Variants in PDPK1 observed in about 807,000 individuals in gnomAD.
PDPK1 encodes 3-phosphoinositide-dependent protein kinase 1.
In PDPK1, 7 loss-of-function variants were observed where a neutral mutation model predicts 39.8. The observed-to-expected ratio is 0.18, with a 90% confidence interval of 0.10 to 0.33. PDPK1 has a LOEUF of 0.33. Ranked by LOEUF, PDPK1 falls within the 10% of genes least tolerant of loss-of-function variation. The pLI is 1.00. For missense variants in PDPK1, 182 were observed against 384.7 expected, an observed-to-expected ratio of 0.47 and a Z score of 4.41; for synonymous variants, 118 against 159.1, an observed-to-expected ratio of 0.74 and a Z score of 1.95.
rs538163631 is a variant in PDPK1 at position 2,585,255 on chromosome 16, T to G, written c.1126-1421T>G. On this transcript the variant is annotated intron_variant, in intron 10 of 13. Transcript: ENST00000342085. ...GCCGTCTGTGAAGCCAGGCTCCATTTGTTGGCAGCCGCCTGTTAGATGGCC... is the reference window on the plus strand; with the variant it reads ...GCCGTCTGTGAAGCCAGGCTCCATTGGTTGGCAGCCGCCTGTTAGATGGCC... 1.6e-4 allele frequency among the ~76,000 whole-genome samples: 25 copies of G among 152,372 alleles called. No homozygotes were observed. In the East Asian group the frequency reaches 4.1e-3, roughly 25 times the overall value.
chr16:2,592,865 AG>A, intron 11 of PDPK1: 1 of 456,132 alleles, frequency 2.2e-6, no homozygotes, highest in Non-Finnish European at 4.4e-6. Context: ...TGTCTCTCTC[AG>A]GGGATGCTGG....
At chr16:2,586,598 C>T (rs568309356) in intron 10 of PDPK1, 78 bp from the exon 11 acceptor site, 9 of 1,262,464 alleles carry the variant, frequency 7.1e-6, no homozygotes, top group African/African-American at 1.5e-5. Flanking sequence ...CTGACAGCGG[C>T]AGTGCGGGAG....
intron 11 of PDPK1, among the ~76,000 whole-genome samples, chr16:2,595,010 C>G (rs1183732788): frequency 6.6e-6 from 1 of 152,162 alleles, no homozygotes; most frequent in African/African-American, 2.4e-5. Flanking sequence ...GTGGTCCCAG[C>G]TATTCGGGAG....
Position 2,593,037 on chromosome 16 carries a change from G to T in PDPK1, c.1344-2756G>T, listed in dbSNP as rs1275133903. 4 of 456,334 alleles carry T rather than the reference G, an allele frequency of 8.8e-6. No individual in the cohort carries two copies. The highest frequency in any genetic ancestry group is 1.8e-5 in the Non-Finnish European group (4 of 226,904). The allele number at this position is 456,334 out of a possible 1,614,324, so 28.3% of individuals were successfully genotyped here. On this transcript the variant is annotated intron_variant, in intron 11 of 13. Transcript: ENST00000342085. This position sits in a 1 kb window ranked among gnomAD's most constrained non-coding sequence, Gnocchi z 4.2. ...TTGCCTGTGGCCTTTTTTTTTCTCA[G>T]GATGGATTTCTGGAAGCGAGGCTAC...
In PDPK1 at chr16:2,538,213, C is replaced by T. The variant is rs1337062139; in HGVS notation, c.24+77C>T. The stretch of plus-strand genomic sequence containing the variant: ...CGGCGGCCGCCCGGGTCCGGCGAGG[C>T]GGGGCGGCCCGGGGTCCCGAGGGCC... On this transcript the variant is annotated intron_variant, in intron 1 of 13. Transcript: ENST00000342085. The T allele has an allele frequency of 2.1e-5, 16 of 749,274 alleles. 1 individual carries two copies. Among genetic ancestry groups the T allele is most frequent in the Non-Finnish European group, 2.7e-5 (16 of 602,908 alleles). The allele number at this position is 749,274 out of a possible 1,614,324, so 46.4% of individuals were successfully genotyped here.
chr16:2,538,924 G>A, intron 1 of PDPK1: 1 of 437,994 alleles, frequency 2.3e-6, no homozygotes, highest in Non-Finnish European at 3.9e-6. Context: ...CTACAGTCTG[G>A]GGACGACGGT....
At chr16:2,590,006 C>T (rs983676708) in intron 11 of PDPK1, among the ~76,000 whole-genome samples, 1 of 152,226 alleles carries the variant, frequency 6.6e-6, no homozygotes, top group Non-Finnish European at 1.5e-5. Context: ...ACTGCAGGCA[C>T]GAAGAGGGAG....
At position 2,601,758 on chromosome 16, in the gene PDPK1, T is replaced by G. The variant is rs1446904705; in HGVS notation, c.*3991T>G. The G allele has an allele frequency of 4.9e-6, 1 of 205,526 alleles. No individual in the cohort carries two copies. The highest frequency in any genetic ancestry group is 9.8e-6 in the Non-Finnish European group (1 of 101,736). The allele number at this position is 205,526 out of a possible 1,614,324, so 12.7% of individuals were successfully genotyped here. On this transcript the variant is annotated 3_prime_UTR_variant, in exon 14 of 14. Transcript: ENST00000342085. Reference sequence around the variant, plus strand: ...ACAAGAGCCCAGCAGCCAGGCTGGCTTTTTCATTGTAGGGCGTGGTTGTCC... The same window carrying G: ...ACAAGAGCCCAGCAGCCAGGCTGGCGTTTTCATTGTAGGGCGTGGTTGTCC...
At chr16:2,578,089 G>A (rs2066751634) in intron 7 of PDPK1, among the ~76,000 whole-genome samples, 1 of 149,164 alleles carries the variant, frequency 6.7e-6, no homozygotes, top group Admixed American at 6.7e-5. Context: ...GCTGCCGTGT[G>A]CACAGAGCCC....
chr16:2,540,137 C>T (rs2066217842), intron 1 of PDPK1, among the ~76,000 whole-genome samples: 1 of 152,190 alleles, frequency 6.6e-6, no homozygotes, highest in Non-Finnish European at 1.5e-5. Flanking sequence ...ATGGATAGAT[C>T]TTCAGGGTTC....
At chr16:2,592,401 C>T in intron 11 of PDPK1, 1 of 272,240 alleles carries the variant, frequency 3.7e-6, no homozygotes, top group South Asian at 3.4e-5. Context: ...TCAGCTCTTG[C>T]CCAGCCTCCC....
At position 2,601,834 on chromosome 16, in the gene PDPK1, T is replaced by C. The variant is rs2067223196; in HGVS notation, c.*4067T>C. ...CCCCCCAACTCCCTGCCCACAGTGT[T>C]GCAGATTGCCTGGCTGGCAGCAAGT... On this transcript the variant is annotated 3_prime_UTR_variant, in exon 14 of 14. Coordinates refer to ENST00000342085, the MANE Select transcript of PDPK1 (RefSeq NM_002613.5). The C allele has an allele frequency of 4.3e-6, 1 of 230,652 alleles. No individual in the cohort carries two copies. Among genetic ancestry groups the C allele is most frequent in the Non-Finnish European group, 8.6e-6 (1 of 115,648 alleles). 14.3% of individuals were successfully genotyped at this position (230,652 alleles called of 1,614,324 possible). A position where few individuals can be genotyped will look rare whatever the true frequency, so the allele number is the denominator to read the frequency against.
intron 1 of PDPK1, among the ~76,000 whole-genome samples, chr16:2,541,592 A>G (rs1266306797): frequency 6.6e-6 from 1 of 152,162 alleles, no homozygotes; most frequent in Non-Finnish European, 1.5e-5. Context: ...TGCGAGGGCC[A>G]GGGTGCTCTA....
At chr16:2,595,735 T>G (rs1597076569) in intron 11 of PDPK1, 58 bp from the exon 12 acceptor site, 59 of 1,341,976 alleles carry the variant, frequency 4.4e-5, no homozygotes, top group African/African-American at 5.7e-5. Flanking sequence ...AGGAGGAGCG[T>G]GGAGAATTTC....
At chr16:2,590,152 C>T (rs2066959811) in intron 11 of PDPK1, among the ~76,000 whole-genome samples, 1 of 151,982 alleles carries the variant, frequency 6.6e-6, no homozygotes, top group African/African-American at 2.4e-5. Context: ...GCGGAGTCTC[C>T]CTCTGTCGCC....
intron 10 of PDPK1, 103 bp from the exon 11 acceptor site, chr16:2,586,573 G>A: frequency 1.0e-6 from 1 of 961,594 alleles, no homozygotes; most frequent in Non-Finnish European, 1.6e-6. Flanking sequence ...CTTGCTGTGT[G>A]CGAGCTCCCA....
chr16:2,558,445 T>G (rs1191784530), intron 2 of PDPK1, among the ~76,000 whole-genome samples: 1 of 150,676 alleles, frequency 6.6e-6, no homozygotes, highest in Non-Finnish European at 1.5e-5. Flanking sequence ...TCTGGACATT[T>G]GCTGGAGACA....
At chr16:2,544,096 A>G (rs2066291080) in intron 1 of PDPK1, among the ~76,000 whole-genome samples, 1 of 152,152 alleles carries the variant, frequency 6.6e-6, no homozygotes, top group African/African-American at 2.4e-5. Flanking sequence ...TGTTCAGTAC[A>G]GATGCAATTT....
intron 1 of PDPK1, chr16:2,539,633 G>A (rs1375083788): frequency 3.3e-5 from 5 of 152,146 alleles, no homozygotes; most frequent in South Asian, 2.1e-4. Flanking sequence ...TCGCTATTTC[G>A]ACATGTGTGG....
Sources: allele counts gnomAD v4.1 joint callset (sites outside exome capture counted in the v4.1 genomes callset), GRCh38; gene constraint gnomAD v4.1.1; non-coding constraint Gnocchi (gnomAD v3.1); transcripts MANE v1.5; gene names NCBI Gene and HGNC (gene_info 2026-07-23, HGNC 2026-07-21).